Variants in MGMT observed in about 807,000 individuals in gnomAD.
MGMT encodes the protein O-6-methylguanine-DNA methyltransferase.
A neutral mutation model predicts 15.9 loss-of-function variants in MGMT; 14 were observed. That is an observed-to-expected ratio of 0.88 (90% CI 0.58 to 1.37). MGMT has a LOEUF of 1.37. Among genes scored for constraint, MGMT ranks in the 40% most tolerant of loss-of-function variants. The pLI is 0.00. For missense variants in MGMT, 282 were observed against 268.1 expected (o/e 1.05, Z -0.36); for synonymous variants, 130 against 118.2 (o/e 1.10, Z -0.65).
At chr10:129,488,327 G>T (rs981617720) in intron 1 of MGMT, among the ~76,000 whole-genome samples, 1 of 152,170 alleles carries the variant, frequency 6.6e-6, no homozygotes, top group African/African-American at 2.4e-5. Context: ...CCGATTGAGA[G>T]CAACCTTCAG....
intron 1 of MGMT, among the ~76,000 whole-genome samples, chr10:129,517,348 A>G (rs558302059): frequency 2.2e-4 from 34 of 152,350 alleles, no homozygotes; most frequent in African/African-American, 7.7e-4. Flanking sequence ...TCCCCAGAGC[A>G]CATCGTGAAT....
intron 2 of MGMT, among the ~76,000 whole-genome samples, chr10:129,581,240 G>T (rs1846552262): frequency 6.6e-6 from 1 of 152,124 alleles, no homozygotes; most frequent in African/African-American, 2.4e-5. Context: ...ATCCGCTGTG[G>T]CTGAGTTCTG....
intron 2 of MGMT, among the ~76,000 whole-genome samples, chr10:129,638,449 A>G (rs895964505): frequency 6.7e-6 from 1 of 148,628 alleles, no homozygotes; most frequent in Admixed American, 6.7e-5. Context: ...AAAAAAAGAA[A>G]AAAAAAAGAA....
intron 3 of MGMT, among the ~76,000 whole-genome samples, chr10:129,733,346 T>G (rs1848523588): frequency 6.6e-6 from 1 of 152,114 alleles, no homozygotes; most frequent in Non-Finnish European, 1.5e-5. Context: ...TTTGGCTGCA[T>G]AAATGTCTAC....
At chr10:129,722,907 A>C (rs1848388863) in intron 3 of MGMT, among the ~76,000 whole-genome samples, 1 of 150,640 alleles carries the variant, frequency 6.6e-6, no homozygotes, top group South Asian at 2.1e-4. Context: ...TCGGGAGGCT[A>C]AGGCATATGA....
At chr10:129,570,028 C>G (rs1267365646) in intron 2 of MGMT, among the ~76,000 whole-genome samples, 1 of 152,228 alleles carries the variant, frequency 6.6e-6, no homozygotes, top group Non-Finnish European at 1.5e-5. Flanking sequence ...CATCTTTTGT[C>G]TGTGCGAAGA....
chr10:129,467,373 G>C lies in MGMT; in HGVS notation c.-13+77G>C. On this transcript the variant is annotated intron_variant, in intron 1 of 4. Transcript: ENST00000651593. The stretch of plus-strand genomic sequence containing the variant: ...GACGGTGGCAGCCTCGAGTGGTCCT[G>C]CAGGCGCCCTCACTTCGCCGTCGGG... 3 of 1,415,486 alleles carry C rather than the reference G, an allele frequency of 2.1e-6. No homozygotes were observed. In the South Asian group the frequency reaches 4.5e-5, roughly 21 times the overall value. The allele number at this position is 1,415,486 out of a possible 1,614,324, so 87.7% of individuals were successfully genotyped here. A position where few individuals can be genotyped will look rare whatever the true frequency, so the allele number is the denominator to read the frequency against.
In MGMT at chr10:129,768,561, T is replaced by TGTGTCC. The variant is rs1432997111; in HGVS notation, c.*1565_*1570dup. Among the ~76,000 whole-genome samples, 1 of 152,252 alleles carries TGTGTCC rather than the reference T, an allele frequency of 6.6e-6. No individual in the cohort carries two copies. The highest frequency in any genetic ancestry group is 2.4e-5 in the African/African-American group (1 of 41,476). ...GCACTCTGCCCCAAAGGTGGTGCCC[T>TGTGTCC]GTGTCCCCCACAGATGATGGCCCTC... On this transcript the variant is annotated 3_prime_UTR_variant, in exon 5 of 5. Coordinates refer to ENST00000651593, the MANE Select transcript of MGMT (RefSeq NM_002412.5).
chr10:129,597,956 T>C (rs1846770463), intron 2 of MGMT, among the ~76,000 whole-genome samples: 1 of 152,186 alleles, frequency 6.6e-6, no homozygotes, highest in Non-Finnish European at 1.5e-5. Flanking sequence ...AGAGATGTCG[T>C]TCGGTGGGTA....
At chr10:129,766,708 C>A in intron 4 of MGMT, 80 bp from the exon 5 acceptor site, 1 of 1,307,196 alleles carries the variant, frequency 7.6e-7, no homozygotes, top group Non-Finnish European at 1.1e-6. Flanking sequence ...GGACTCCTGT[C>A]AGTCAGGGCC....
At chr10:129,494,264 C>T (rs1485215940) in intron 1 of MGMT, among the ~76,000 whole-genome samples, 1 of 151,984 alleles carries the variant, frequency 6.6e-6, no homozygotes, top group Non-Finnish European at 1.5e-5. Flanking sequence ...TCATTTTTTT[C>T]ATATCTTCAT....
At chr10:129,478,186 A>G (rs1845316565) in intron 1 of MGMT, among the ~76,000 whole-genome samples, 1 of 151,244 alleles carries the variant, frequency 6.6e-6, no homozygotes, top group Non-Finnish European at 1.5e-5. Context: ...TGGGTTTTTA[A>G]AACCAGTCTC....
At chr10:129,478,235 T>TC (rs1042439263) in intron 1 of MGMT, among the ~76,000 whole-genome samples, 2 of 9,676 alleles carry the variant, frequency 2.1e-4, no homozygotes, top group African/African-American at 9.1e-4. Context: ...GTTGGTTGAT[T>TC]TTTTCCCCCC....
intron 1 of MGMT, among the ~76,000 whole-genome samples, chr10:129,525,570 T>C (rs1845859991): frequency 6.6e-6 from 1 of 152,098 alleles, no homozygotes. Flanking sequence ...AGGGCTCTTG[T>C]TGTTAGAGTA....
At chr10:129,475,086 G>A (rs1366049073) in intron 1 of MGMT, among the ~76,000 whole-genome samples, 1 of 152,114 alleles carries the variant, frequency 6.6e-6, no homozygotes, top group Non-Finnish European at 1.5e-5. Context: ...GTGGAGATTT[G>A]AACAGTGAGA....
intron 2 of MGMT, among the ~76,000 whole-genome samples, chr10:129,579,389 AGGGT>A (rs1287421516): frequency 1.3e-5 from 2 of 152,156 alleles, no homozygotes; most frequent in Non-Finnish European, 1.5e-5. Context: ...CATGGCATGG[AGGGT>A]GGGCAGAGCT....
intron 2 of MGMT, among the ~76,000 whole-genome samples, chr10:129,646,754 A>ATATATATTTTTTTTTTTTTTT: frequency 2.1e-4 from 18 of 86,664 alleles, no homozygotes; most frequent in South Asian, 6.7e-4. Context: ...ATATATATAT[A>ATATATATTTTTTTTTTTTTTT]TTTTCAGGGA....
At chr10:129,527,160 TGTC>T (rs1374999525) in intron 1 of MGMT, among the ~76,000 whole-genome samples, 1 of 152,188 alleles carries the variant, frequency 6.6e-6, no homozygotes, top group East Asian at 1.9e-4. Context: ...TGGGCTGTGT[TGTC>T]GTCCCTGTGC....
intron 2 of MGMT, among the ~76,000 whole-genome samples, chr10:129,548,784 G>A (rs1225199433): frequency 2.6e-5 from 4 of 152,246 alleles, no homozygotes. Context: ...ACGCAAATAA[G>A]TGCAAGGACC....
Sources: allele counts gnomAD v4.1 joint callset (sites outside exome capture counted in the v4.1 genomes callset), GRCh38; gene constraint gnomAD v4.1.1; transcripts MANE v1.5; gene names NCBI Gene and HGNC (gene_info 2026-07-23, HGNC 2026-07-21).